CHRM3: variants seen among roughly 807,000 people sequenced by gnomAD.
The protein encoded by CHRM3 is muscarinic acetylcholine receptor M3.
In CHRM3, 11 loss-of-function variants were observed where a neutral mutation model predicts 41.8. The ratio of observed to expected loss-of-function variants is 0.26; its 90% CI spans 0.17 to 0.44. The LOEUF (loss-of-function observed/expected upper bound fraction) is 0.44, where lower values mean the gene tolerates loss of function less well. CHRM3 is among the 20% of genes least tolerant of loss of function. The pLI is 1.00. For missense variants in CHRM3, 571 were observed against 745.4 expected (o/e 0.77, Z 2.72); for synonymous variants, 297 against 301.4 (o/e 0.99, Z 0.15).
intron 4 of CHRM3, among the ~76,000 whole-genome samples, chr1:239,649,311 C>T (rs542855779): frequency 1.4e-3 from 212 of 152,268 alleles, no homozygotes; most frequent in South Asian, 4.1e-3. Context: ...CCTCACCAGA[C>T]ACCAAATATG....
chr1:239,651,985 GTTTTTT>G (rs56096731), intron 4 of CHRM3, among the ~76,000 whole-genome samples: 1 of 140,232 alleles, frequency 7.1e-6, no homozygotes, highest in African/African-American at 2.6e-5. Flanking sequence ...GCCAGTTTTT[GTTTTTT>G]TTTTTTTTTT....
chr1:239,473,479 G>A (rs904387366), intron 1 of CHRM3, among the ~76,000 whole-genome samples: 1 of 152,116 alleles, frequency 6.6e-6, no homozygotes, highest in Non-Finnish European at 1.5e-5. Flanking sequence ...ATGCAGCAGA[G>A]CCCTCAGGAA....
At chr1:239,852,733 A>T (rs969969486) in intron 6 of CHRM3, among the ~76,000 whole-genome samples, 4 of 152,202 alleles carry the variant, frequency 2.6e-5, no homozygotes, top group Admixed American at 6.6e-5. Context: ...AGAATTATTC[A>T]GCACATAGTG....
intron 3 of CHRM3, among the ~76,000 whole-genome samples, chr1:239,606,932 G>GC (rs1666382638): frequency 6.6e-6 from 1 of 152,106 alleles, no homozygotes; most frequent in Non-Finnish European, 1.5e-5. Context: ...CTGAAAGGGG[G>GC]CCTATGTCCC....
chr1:239,639,858 G>A (rs1179128302), intron 4 of CHRM3, among the ~76,000 whole-genome samples: 2 of 145,340 alleles, frequency 1.4e-5, no homozygotes, highest in Non-Finnish European at 3.0e-5. Context: ...CAAAGGGAAT[G>A]CTTCCAGTTT....
At chr1:239,620,837 G>A (rs1668280090) in intron 3 of CHRM3, among the ~76,000 whole-genome samples, 1 of 152,142 alleles carries the variant, frequency 6.6e-6, no homozygotes, top group African/African-American at 2.4e-5. Flanking sequence ...AGGCATTGAT[G>A]AGAAATATAT....
intron 3 of CHRM3, among the ~76,000 whole-genome samples, chr1:239,618,567 G>A (rs12129185): frequency 0.49 from 74,155 of 151,340 alleles, 19,562 homozygotes; most frequent in African/African-American, 0.69. Flanking sequence ...CAAGATGGCC[G>A]GGCGCGGTGG....
chr1:239,786,463 G>A (rs1399582819), intron 5 of CHRM3, among the ~76,000 whole-genome samples: 3 of 152,212 alleles, frequency 2.0e-5, no homozygotes, highest in Non-Finnish European at 4.4e-5. Context: ...CTGAGACCGA[G>A]AGAGGGTAAG....
intron 6 of CHRM3, among the ~76,000 whole-genome samples, chr1:239,860,726 A>G (rs1246419829): frequency 6.6e-6 from 1 of 152,174 alleles, no homozygotes; most frequent in Admixed American, 6.5e-5. Flanking sequence ...TGTCATGTCA[A>G]CACTCCAAAA....
intron 6 of CHRM3, among the ~76,000 whole-genome samples, chr1:239,877,973 C>T (rs1677254429): frequency 6.6e-6 from 1 of 151,314 alleles, no homozygotes; most frequent in African/African-American, 2.4e-5. Flanking sequence ...TCACTGCAAG[C>T]TCTGCCTCCC....
intron 1 of CHRM3, among the ~76,000 whole-genome samples, chr1:239,405,826 T>C (rs920062774): frequency 6.6e-6 from 1 of 152,198 alleles, no homozygotes; most frequent in Non-Finnish European, 1.5e-5. Flanking sequence ...ACCATTCTTT[T>C]ACTCCTTGGC....
intron 3 of CHRM3, among the ~76,000 whole-genome samples, chr1:239,604,300 T>C (rs1665970058): frequency 2.3e-5 from 2 of 87,752 alleles, no homozygotes. Flanking sequence ...AGGTTTTTTT[T>C]TTAACTGACA....
At chr1:239,682,418 ATGTC>A in intron 5 of CHRM3, among the ~76,000 whole-genome samples, 1 of 152,278 alleles carries the variant, frequency 6.6e-6, no homozygotes, top group East Asian at 1.9e-4. Context: ...ATATTCTTGA[ATGTC>A]TGGGTTCAGA....
At chr1:239,503,488 A>C (rs1668375431) in intron 2 of CHRM3, among the ~76,000 whole-genome samples, 1 of 152,162 alleles carries the variant, frequency 6.6e-6, no homozygotes, top group African/African-American at 2.4e-5. Flanking sequence ...TACTGCCAAA[A>C]GCAGTCTACA....
At chr1:239,730,928 G>C (rs1200991940) in intron 5 of CHRM3, among the ~76,000 whole-genome samples, 1 of 151,866 alleles carries the variant, frequency 6.6e-6, no homozygotes, top group Non-Finnish European at 1.5e-5. Context: ...ACATCAGGGA[G>C]GAAAATGAAG....
intron 1 of CHRM3, among the ~76,000 whole-genome samples, chr1:239,477,685 CA>C (rs1370559616): frequency 6.6e-6 from 1 of 152,134 alleles, no homozygotes; most frequent in East Asian, 1.9e-4. Flanking sequence ...ACTGATGGTA[CA>C]GAACCTTTTC....
intron 1 of CHRM3, among the ~76,000 whole-genome samples, chr1:239,391,467 G>A (rs555330335): frequency 6.6e-6 from 1 of 152,300 alleles, no homozygotes; most frequent in Admixed American, 6.5e-5. Context: ...CTATCCAGAA[G>A]TTTTGGCAGC....
At chr1:239,430,761 G>C (rs1369522984) in intron 1 of CHRM3, among the ~76,000 whole-genome samples, 1 of 149,316 alleles carries the variant, frequency 6.7e-6, no homozygotes, top group African/African-American at 2.5e-5. Flanking sequence ...TCAAGAGTCT[G>C]ATTAGAGTTT....
At chr1:239,679,017 G>GTAGATGGA (rs1254589168) in intron 5 of CHRM3, among the ~76,000 whole-genome samples, 6 of 88,398 alleles carry the variant, frequency 6.8e-5, no homozygotes, top group Admixed American at 5.1e-4. Context: ...ACATAGATAG[G>GTAGATGGA]TAGATAGATG....
Sources: gnomAD v4.1 joint callset for allele counts (sites outside exome capture counted in the v4.1 genomes callset) on GRCh38, gnomAD v4.1.1 for gene constraint, MANE v1.5 for transcripts, NCBI Gene and HGNC (gene_info 2026-07-23, HGNC 2026-07-21) for gene names.